Variants in HNF1B observed in about 807,000 individuals in gnomAD.
The protein encoded by HNF1B is HNF1 homeobox B, also known as hepatocyte nuclear factor 1-beta.
Under a neutral mutation model 61.7 loss-of-function variants are expected in HNF1B, and 8 were observed. The ratio of observed to expected loss-of-function variants is 0.13; its 90% CI spans 0.08 to 0.23. HNF1B has a LOEUF of 0.23. Among genes scored for constraint, HNF1B ranks in the 10% least tolerant of loss-of-function variants. The pLI is 1.00. For missense variants in HNF1B, 562 were observed against 714.5 expected, an observed-to-expected ratio of 0.79 and a Z score of 2.43; for synonymous variants, 314 against 287.7, an observed-to-expected ratio of 1.09 and a Z score of -0.93.
chr17:37,688,220 G>C (rs2032047273), intron 8 of HNF1B, among the ~76,000 whole-genome samples: 1 of 152,118 alleles, frequency 6.6e-6, no homozygotes, highest in South Asian at 2.1e-4. Context: ...TCCAGTGCCT[G>C]GGCCTTATTC....
rs2031997383 is a variant in HNF1B, at chr17:37,687,152, A to G, written c.*220T>C. The G allele has an allele frequency of 1.5e-6, 1 of 689,074 alleles. No individual in the cohort carries two copies. Among genetic ancestry groups the G allele is most frequent in the Non-Finnish European group, 2.6e-6 (1 of 387,116 alleles). 42.7% of individuals were successfully genotyped at this position (689,074 alleles called of 1,614,324 possible). ...ACAGGAGTCCTTGACATCGTGGGAG[A>G]GGCATTGTGGCAATACTGCATAGAA... On this transcript the variant is annotated 3_prime_UTR_variant, in exon 9 of 9. Coordinates refer to ENST00000617811, the MANE Select transcript of HNF1B (RefSeq NM_000458.4).
rs533346647 is a variant in HNF1B, at chr17:37,717,099, G to A, written c.1046-6436C>T. Among the ~76,000 whole-genome samples, 3 of 152,270 alleles carry A rather than the reference G, an allele frequency of 2.0e-5. No individual in the cohort carries two copies. In the East Asian group the frequency reaches 5.8e-4, roughly 29 times the overall value. On this transcript the variant is annotated intron_variant, in intron 4 of 8. Transcript: ENST00000617811. ...TTGTTCTTTTAGTAAGAAGAAATGA[G>A]GAAAGTGGGGATTCCTGGGCAATGT... is the stretch of plus-strand genomic sequence containing the variant.
intron 8 of HNF1B, among the ~76,000 whole-genome samples, chr17:37,693,464 G>A (rs951640568): frequency 9.9e-5 from 15 of 152,282 alleles, no homozygotes; most frequent in Middle Eastern, 3.4e-3. Flanking sequence ...GTCTGCTGGC[G>A]TTTCCTACCA....
intron 4 of HNF1B, 62 bp downstream of exon 4, chr17:37,731,533 G>T: frequency 7.3e-7 from 1 of 1,362,774 alleles, no homozygotes; most frequent in Non-Finnish European, 1.0e-6. Context: ...AACCAGATAA[G>T]ATCCGTGGCA....
intron 1 of HNF1B, among the ~76,000 whole-genome samples, chr17:37,743,968 A>C (rs1316689287): frequency 6.6e-6 from 1 of 152,240 alleles, no homozygotes. Flanking sequence ...ATCCCGGATA[A>C]TTCCGGGCCT....
intron 2 of HNF1B, among the ~76,000 whole-genome samples, chr17:37,734,522 G>A (rs551280198): frequency 2.7e-4 from 41 of 152,340 alleles, no homozygotes; most frequent in Non-Finnish European, 5.7e-4. Flanking sequence ...TGACCATCAG[G>A]AGATTTTTGT....
chr17:37,696,174 G>A (rs971903580), intron 8 of HNF1B, among the ~76,000 whole-genome samples: 8 of 152,180 alleles, frequency 5.3e-5, no homozygotes, highest in African/African-American at 1.9e-4. Flanking sequence ...GCTAGGCATG[G>A]TGGCTCACAC....
intron 4 of HNF1B, chr17:37,730,214 G>C (rs1345238219): frequency 6.5e-6 from 1 of 152,834 alleles, no homozygotes; most frequent in East Asian, 1.9e-4. Flanking sequence ...TCAGCTCCGT[G>C]GATCGCTGTG....
intron 5 of HNF1B, among the ~76,000 whole-genome samples, chr17:37,708,605 C>T (rs1318964746): frequency 6.6e-6 from 1 of 152,202 alleles, no homozygotes; most frequent in Non-Finnish European, 1.5e-5. Flanking sequence ...CCGTAAGGCA[C>T]CCTTCTCCAT....
intron 2 of HNF1B, 104 bp from the exon 3 acceptor site, chr17:37,733,925 TCTAA>T: frequency 2.9e-6 from 4 of 1,388,048 alleles, no homozygotes; most frequent in Admixed American, 1.7e-5. Flanking sequence ...ATTCCCCTCG[TCTAA>T]CTAAGCTTTG....
intron 5 of HNF1B, among the ~76,000 whole-genome samples, chr17:37,706,621 C>G (rs777375073): frequency 6.5e-4 from 95 of 146,208 alleles, no homozygotes; most frequent in Admixed American, 1.3e-3. Context: ...CTGACCACAT[C>G]AAACAAGAGA....
intron 4 of HNF1B, chr17:37,731,324 C>T: frequency 1.7e-6 from 1 of 592,302 alleles, no homozygotes; most frequent in South Asian, 1.9e-5. Flanking sequence ...AGCAGCCACA[C>T]AGGGAGAAGA....
At chr17:37,701,795 G>A (rs1004785677) in intron 6 of HNF1B, among the ~76,000 whole-genome samples, 12 of 152,212 alleles carry the variant, frequency 7.9e-5, no homozygotes, top group Non-Finnish European at 1.5e-5. Flanking sequence ...TGCGAGGCGG[G>A]CATATCTTAT....
chr17:37,689,291 C>T (rs531770888), intron 8 of HNF1B, among the ~76,000 whole-genome samples: 190 of 152,294 alleles, frequency 1.2e-3, no homozygotes, highest in African/African-American at 4.1e-3. Flanking sequence ...GGCCCACCCC[C>T]ACTCTCAAGT....
intron 4 of HNF1B, among the ~76,000 whole-genome samples, chr17:37,726,174 CTCTGTG>C (rs960527250): frequency 2.6e-5 from 4 of 152,028 alleles, no homozygotes; most frequent in Admixed American, 1.3e-4. Context: ...CTCTCTCTCT[CTCTGTG>C]TTGGGTTTAG....
rs375597396 is a variant in HNF1B, at chr17:37,733,865, A to G, written c.545-44T>C. 28 of 1,593,516 alleles carry G rather than the reference A, an allele frequency of 1.8e-5. No individual in the cohort carries two copies. The African/African-American group carries it at 3.8e-4, about 22-fold the overall frequency. On this transcript the variant is annotated intron_variant, in intron 2 of 8. Coordinates refer to ENST00000617811, the MANE Select transcript of HNF1B (RefSeq NM_000458.4). ...AGATTTGATAGGGTCTGTAGCCTTC[A>G]CTCAGCAGACAGACAGACAGACAGA...
chr17:37,740,973 T>A (rs2033975370), intron 1 of HNF1B, among the ~76,000 whole-genome samples: 2 of 152,134 alleles, frequency 1.3e-5, no homozygotes, highest in Non-Finnish European at 2.9e-5. Context: ...AGAACAAAAG[T>A]ACTAAAGAAG....
At chr17:37,740,001 C>T (rs1455570929) in intron 1 of HNF1B, among the ~76,000 whole-genome samples, 1 of 151,874 alleles carries the variant, frequency 6.6e-6, no homozygotes, top group Non-Finnish European at 1.5e-5. Flanking sequence ...GAGTTTTGCT[C>T]TTGTCACCCA....
At chr17:37,699,741 G>C (rs34557151) in intron 7 of HNF1B, among the ~76,000 whole-genome samples, 37,274 of 152,090 alleles carry the variant, frequency 0.25, 5,207 homozygotes, top group Admixed American at 0.34. Flanking sequence ...CTCAGACTCT[G>C]CTACAGGCTG....
Sources: gnomAD v4.1 joint callset for allele counts (sites outside exome capture counted in the v4.1 genomes callset) on GRCh38, gnomAD v4.1.1 for gene constraint, MANE v1.5 for transcripts, NCBI Gene and HGNC (gene_info 2026-07-23, HGNC 2026-07-21) for gene names.